Variants in ZNF226 observed in about 807,000 individuals in gnomAD.
ZNF226 encodes the protein zinc finger protein 226, also known as Kruppel-associated box protein.
A neutral mutation model predicts 11.4 loss-of-function variants in ZNF226; 6 were observed. The ratio of observed to expected loss-of-function variants is 0.53; its 90% CI spans 0.29 to 1.04. The LOEUF (loss-of-function observed/expected upper bound fraction) is 1.04, where lower values mean the gene tolerates loss of function less well. Ranked by LOEUF, ZNF226 falls within the 50% of genes least tolerant of loss-of-function variation. ZNF226 has a pLI of 0.08. For synonymous variants in ZNF226, 350 were observed against 322.8 expected (o/e 1.08, Z -0.90); for missense variants, 1,058 against 956.5 (o/e 1.11, Z -1.40).
At chr19:44,173,113 C>T (rs1470429386) in intron 5 of ZNF226, 161 bp downstream of exon 5, 3 of 628,850 alleles carry the variant, frequency 4.8e-6, no homozygotes, top group Admixed American at 3.1e-5. Context: ...TCTCCTCTTA[C>T]ATTCTGTTCT....
At chr19:44,180,146 A>C (rs1970886853), downstream of ZNF226, among the ~76,000 whole-genome samples, 1 of 151,244 alleles carries the variant, frequency 6.6e-6, no homozygotes, top group African/African-American at 2.4e-5. Context: ...GAAGCTATAG[A>C]GTGGAAATAT....
the ZNF226 span, among the ~76,000 whole-genome samples, chr19:44,185,079 C>A: frequency 7.2e-5 from 11 of 152,184 alleles, no homozygotes; most frequent in Admixed American, 1.3e-4. Context: ...TGATTAATGT[C>A]GTGCCATGTG....
rs368154355 is a variant in ZNF226, at chr19:44,174,955, T to A, written c.236-543T>A. Reference sequence around the variant, plus strand: ...CAGCTTTTCAACTTTGCAGCAAAACTGTACTTTCTAGTTCTTTTTGTATTT... The same window carrying A: ...CAGCTTTTCAACTTTGCAGCAAAACAGTACTTTCTAGTTCTTTTTGTATTT... On this transcript the variant is annotated intron_variant, in intron 5 of 5. Transcript: ENST00000337433. 1.9e-6 allele frequency: 3 copies of A among 1,604,678 alleles called. No individual in the cohort carries two copies. The East Asian group carries it at 6.7e-5, about 36-fold the overall frequency.
intron 5 of ZNF226, chr19:44,173,374 G>A (rs1237312346): frequency 4.0e-6 from 1 of 248,998 alleles, no homozygotes; most frequent in Non-Finnish European, 7.6e-6. Context: ...TCACAACCCT[G>A]TGTGTTCTTC....
At chr19:44,173,101 C>T (rs1191265820) in intron 5 of ZNF226, 149 bp downstream of exon 5, 4 of 664,002 alleles carry the variant, frequency 6.0e-6, no homozygotes, top group South Asian at 2.1e-5. Context: ...TGCTCCCACC[C>T]CTCTCCTCTT....
chr19:44,167,636 A>G (rs796719316), intron 2 of ZNF226, among the ~76,000 whole-genome samples: 10 of 152,204 alleles, frequency 6.6e-5, no homozygotes, highest in African/African-American at 2.4e-4. Flanking sequence ...TTTTAAAAAT[A>G]TAATTTCAAA....
chr19:44,195,858 A>C, the ZNF226 span, among the ~76,000 whole-genome samples: 1 of 152,218 alleles, frequency 6.6e-6, no homozygotes, highest in African/African-American at 2.4e-5. Context: ...AGTTTGCTAT[A>C]ATCAATTGAA....
At chr19:44,186,030 G>A in the ZNF226 span, among the ~76,000 whole-genome samples, 4 of 151,964 alleles carry the variant, frequency 2.6e-5, no homozygotes, top group South Asian at 8.3e-4. Flanking sequence ...TTTCCTCATT[G>A]TGTAATCTTG....
the ZNF226 span, among the ~76,000 whole-genome samples, chr19:44,191,100 A>T: frequency 6.6e-6 from 1 of 152,220 alleles, no homozygotes; most frequent in Admixed American, 6.5e-5. Flanking sequence ...CAGTTTCACA[A>T]ATTCATCAGT....
the ZNF226 span, among the ~76,000 whole-genome samples, chr19:44,191,507 A>T: frequency 5.1e-4 from 78 of 152,324 alleles, no homozygotes; most frequent in African/African-American, 1.7e-3. Context: ...TTAATCAAAT[A>T]AGCCAAATTA....
At chr19:44,185,166 T>C in the ZNF226 span, among the ~76,000 whole-genome samples, 2 of 152,266 alleles carry the variant, frequency 1.3e-5, no homozygotes, top group Non-Finnish European at 2.9e-5. Flanking sequence ...TCCATTCTTC[T>C]GTCAATGGAC....
intron 3 of ZNF226, 74 bp from the exon 4 acceptor site, chr19:44,172,014 C>G: frequency 6.4e-7 from 1 of 1,571,110 alleles, no homozygotes; most frequent in Non-Finnish European, 8.7e-7. Flanking sequence ...GAACAACTTT[C>G]CACCTGTTCT....
At chr19:44,183,240 C>G (rs79280038), downstream of ZNF226, among the ~76,000 whole-genome samples, 3,263 of 152,234 alleles carry the variant, frequency 0.021, 60 homozygotes, top group Non-Finnish European at 0.035. Context: ...CACCAGGTAG[C>G]AGAAGGGCTT....
At chr19:44,193,254 A>G in the ZNF226 span, among the ~76,000 whole-genome samples, 2 of 152,088 alleles carry the variant, frequency 1.3e-5, no homozygotes, top group African/African-American at 4.8e-5. Flanking sequence ...AATATTATGT[A>G]TGTATAACAC....
downstream of ZNF226, among the ~76,000 whole-genome samples, chr19:44,183,000 C>A (rs1970930328): frequency 6.6e-6 from 1 of 152,244 alleles, no homozygotes; most frequent in Admixed American, 6.5e-5. Flanking sequence ...TCCCAGAACA[C>A]CTTGAATGAA....
chr19:44,192,930 AAT>A, the ZNF226 span, among the ~76,000 whole-genome samples: 1 of 152,156 alleles, frequency 6.6e-6, no homozygotes, highest in Non-Finnish European at 1.5e-5. Flanking sequence ...ACCTGTGAAT[AAT>A]TCCCTTTTAA....
chr19:44,186,887 T>TTTTA, the ZNF226 span, among the ~76,000 whole-genome samples: 2 of 149,148 alleles, frequency 1.3e-5, no homozygotes, highest in African/African-American at 2.5e-5. Flanking sequence ...TTTTTTTTTT[T>TTTTA]AATCATGAAA....
At chr19:44,183,288 C>T (rs970325373), downstream of ZNF226, among the ~76,000 whole-genome samples, 3 of 152,062 alleles carry the variant, frequency 2.0e-5, no homozygotes, top group African/African-American at 4.8e-5. Flanking sequence ...TTTGCTTAGG[C>T]CCGTTTGTGG....
chr19:44,168,464 C>T (rs1421804747), intron 2 of ZNF226, among the ~76,000 whole-genome samples: 1 of 152,138 alleles, frequency 6.6e-6, no homozygotes, highest in Non-Finnish European at 1.5e-5. Context: ...GATGAGTTTC[C>T]AGTCTAATTG....
Sources: allele counts gnomAD v4.1 joint callset (sites outside exome capture counted in the v4.1 genomes callset), GRCh38; gene constraint gnomAD v4.1.1; transcripts MANE v1.5; gene names NCBI Gene and HGNC (gene_info 2026-07-23, HGNC 2026-07-21).